The following KNDC1 variants were observed in gnomAD, a reference collection of about 807,000 sequenced individuals.
KNDC1 encodes kinase non-catalytic C-lobe domain containing 1, also known as kinase non-catalytic C-lobe domain-containing protein 1.
A neutral mutation model predicts 172.8 loss-of-function variants in KNDC1; 106 were observed. That is an observed-to-expected ratio of 0.61 (90% CI 0.52 to 0.72). KNDC1 has a LOEUF of 0.72. KNDC1 is among the 30% of genes least tolerant of loss of function. The pLI is 0.00. For synonymous variants in KNDC1, 1,083 were observed against 1,062.2 expected (o/e 1.02, Z -0.38); for missense variants, 2,325 against 2,394.5 (o/e 0.97, Z 0.61).
intron 26 of KNDC1, 56 bp downstream of exon 26, chr10:133,214,178 G>A (rs2136026121): frequency 6.3e-7 from 1 of 1,591,826 alleles, no homozygotes; most frequent in South Asian, 1.1e-5. Context: ...CCTACGCGGG[G>A]GTGGCAGCGC....
At chr10:133,187,884 C>T (rs1459413577) in intron 6 of KNDC1, among the ~76,000 whole-genome samples, 4 of 138,218 alleles carry the variant, frequency 2.9e-5, no homozygotes, top group South Asian at 5.9e-4. Flanking sequence ...CCCCAACCCC[C>T]GAGCCCGCCC....
At chr10:133,193,158 G>A (rs913983517) in intron 9 of KNDC1, among the ~76,000 whole-genome samples, 5 of 152,224 alleles carry the variant, frequency 3.3e-5, no homozygotes, top group Non-Finnish European at 7.3e-5. Context: ...TAGAGGAAGT[G>A]CATAGCATTT....
At chr10:133,208,083 C>A (rs1207841625) in intron 20 of KNDC1, among the ~76,000 whole-genome samples, 1 of 152,180 alleles carries the variant, frequency 6.6e-6, no homozygotes, top group East Asian at 1.9e-4. Flanking sequence ...CTTATGACAC[C>A]ACCTTGGAGC....
rs771255409 is a variant in KNDC1 at position 133,167,352 on chromosome 10, G to C, written c.103-29G>C. 48 of 1,539,004 alleles carry C rather than the reference G, an allele frequency of 3.1e-5. 2 individuals carry two copies. Among genetic ancestry groups the C allele is most frequent in the Admixed American group, 3.9e-5 (2 of 51,272 alleles). On this transcript the variant is annotated intron_variant, in intron 1 of 29. Coordinates refer to ENST00000304613, the MANE Select transcript of KNDC1 (RefSeq NM_152643.8). Reference sequence around the variant, plus strand: ...CCGGGGCCTGGCTGGGGGTCCTGCCGGGCTCACGGCCAGGGCCGGTCTTGG... The same window carrying C: ...CCGGGGCCTGGCTGGGGGTCCTGCCCGGCTCACGGCCAGGGCCGGTCTTGG...
chr10:133,212,690 C>A (rs749705178), intron 23 of KNDC1, 26 bp from the exon 24 acceptor site: 1 of 1,603,766 alleles, frequency 6.2e-7, no homozygotes. Context: ...GAGCTTAGGC[C>A]CCTCAGTGCC....
At chr10:133,178,571 G>C (rs1379376075) in intron 3 of KNDC1, among the ~76,000 whole-genome samples, 1 of 152,092 alleles carries the variant, frequency 6.6e-6, no homozygotes, top group Non-Finnish European at 1.5e-5. Flanking sequence ...ATGGACTGAG[G>C]GTTCCGGTCC....
intron 26 of KNDC1, among the ~76,000 whole-genome samples, chr10:133,214,949 C>A (rs1412424242): frequency 6.6e-6 from 1 of 152,242 alleles, no homozygotes; most frequent in Non-Finnish European, 1.5e-5. Flanking sequence ...AGTCCCCCAG[C>A]CCCAGGGGTC....
At chr10:133,220,197 C>G (rs12764132) in intron 29 of KNDC1, 85 bp downstream of exon 29, 14,009 of 843,598 alleles carry the variant, frequency 0.017, 477 homozygotes, top group South Asian at 0.036. Flanking sequence ...GCTCAGGCGG[C>G]CGCGCGCCCA....
chr10:133,169,995 T>C (rs975000867), intron 3 of KNDC1, among the ~76,000 whole-genome samples: 1 of 152,246 alleles, frequency 6.6e-6, no homozygotes, highest in Non-Finnish European at 1.5e-5. Flanking sequence ...TTTAACTTTC[T>C]GAAAAGACTT....
At position 133,195,747 on chromosome 10, in the gene KNDC1, A is replaced by G. The variant is rs911322471; in HGVS notation, c.1660A>G (p.Arg554Gly). 6.2e-7 allele frequency: 1 copy of G among 1,611,138 alleles called. No individual in the cohort carries two copies. Among genetic ancestry groups the G allele is most frequent in the Non-Finnish European group, 8.5e-7 (1 of 1,179,140 alleles). Reference protein sequence around the residue: ...PRNHKLALPRRLKTLLLDMAR... With the variant: ...PRNHKLALPRGLKTLLLDMAR... Reference sequence around the variant, plus strand: ...CAACCACAAGCTGGCCCTGCCACGCAGGCTCAAGACCCTCCTCCTGGACAT... The same window carrying G: ...CAACCACAAGCTGGCCCTGCCACGCGGGCTCAAGACCCTCCTCCTGGACAT... The change falls in exon 10 of 30, where the codon AGG (arginine) becomes GGG (glycine). Residue 554 changes from arginine to glycine, a missense_variant. Arg to Gly is a moderately radical substitution (Grantham distance 125). Coordinates refer to ENST00000304613, the MANE Select transcript of KNDC1 (RefSeq NM_152643.8).
chr10:133,182,452 T>C (rs1280202956), intron 3 of KNDC1, among the ~76,000 whole-genome samples: 1 of 144,928 alleles, frequency 6.9e-6, no homozygotes, highest in East Asian at 1.9e-4. Context: ...GGTCAGGTCC[T>C]GGCTCCACAC....
chr10:133,169,352 C>T (rs1490268950), intron 3 of KNDC1, among the ~76,000 whole-genome samples: 10 of 152,304 alleles, frequency 6.6e-5, no homozygotes, highest in South Asian at 4.1e-4. Context: ...CCCAGCTACT[C>T]GGGAGTCTGA....
At position 133,183,470 on chromosome 10, in the gene KNDC1, G is replaced by A. The variant is rs569932237; in HGVS notation, c.487G>A (p.Gly163Arg). ...LLSRMQAEDPGDRPDLESIIA... is the reference protein window; with the variant it reads ...LLSRMQAEDPRDRPDLESIIA... The stretch of plus-strand genomic sequence containing the variant: ...GAGCCGGATGCAGGCGGAGGACCCC[G>A]GGGACCGGCCGGACCTTGAGGTAAG... Residue 163 changes from glycine to arginine, a missense_variant, in exon 4 of 30, where the codon GGG becomes AGG. Transcript: ENST00000304613. 125 of 1,604,200 alleles carry A rather than the reference G, an allele frequency of 7.8e-5. No individual in the cohort carries two copies. The highest frequency in any genetic ancestry group is 9.5e-5 in the Non-Finnish European group (112 of 1,177,608).
In KNDC1 at chr10:133,212,760, G is replaced by A. The variant is rs558790382; in HGVS notation, c.4281G>A (p.Pro1427=). The A allele has an allele frequency of 2.7e-5, 43 of 1,613,696 alleles. No individual in the cohort carries two copies. Among genetic ancestry groups the A allele is most frequent in the East Asian group, 2.0e-4 (9 of 44,878 alleles). Residue 1427 remains proline, a synonymous_variant, in exon 24 of 30, where the codon CCG becomes CCA. Transcript: ENST00000304613. ...CCCGAGGCAACGGGCTGGTGCTGCC[G>A]CCACACAAGGAGCGCCCCTACACCA... is the stretch of plus-strand genomic sequence containing the variant. The part of the protein sequence containing the change: ...RLPRGNGLVL[P]PHKERPYTIA...
At chr10:133,210,114 G>C (rs1182361720) in intron 20 of KNDC1, among the ~76,000 whole-genome samples, 1 of 152,022 alleles carries the variant, frequency 6.6e-6, no homozygotes, top group African/African-American at 2.4e-5. Flanking sequence ...AGCAGGGCAC[G>C]GTGGCTCACG....
chr10:133,207,287 C>G lies in KNDC1; in HGVS notation c.3730C>G (p.Arg1244Gly). The G allele has an allele frequency of 6.2e-7, 1 of 1,612,986 alleles. No homozygotes were observed. The highest frequency in any genetic ancestry group is 1.3e-5 in the African/African-American group (1 of 75,042). The change falls in exon 20 of 30, where the codon CGG (arginine) becomes GGG (glycine). Residue 1244 changes from arginine to glycine, a missense_variant. Coordinates refer to ENST00000304613, the MANE Select transcript of KNDC1 (RefSeq NM_152643.8). ...FYNVNKHPGG[R>G]QKARILQAGT... ...CAACGTCAACAAGCACCCGGGCGGC[C>G]GGCAGAAGGCCCGCATCCTGCAGGC...
chr10:133,208,151 C>G (rs574071830), intron 20 of KNDC1, among the ~76,000 whole-genome samples: 114 of 152,292 alleles, frequency 7.5e-4, no homozygotes, highest in African/African-American at 2.6e-3. Context: ...CCAAGGAGGA[C>G]AGCAGGGAGC....
intron 10 of KNDC1, 49 bp downstream of exon 10, chr10:133,195,870 G>A: frequency 7.0e-7 from 1 of 1,434,398 alleles, no homozygotes; most frequent in Admixed American, 2.5e-5. Flanking sequence ...AGGACTGTGG[G>A]CAGTGGCCGC....
At position 133,195,366 on chromosome 10, in the gene KNDC1, C is replaced by G. The variant is rs1854160000; in HGVS notation, c.1576-297C>G. Among the ~76,000 whole-genome samples the G allele has an allele frequency of 1.3e-5, 2 of 152,186 alleles. 1 individual carries two copies. The highest frequency in any genetic ancestry group is 4.1e-4 in the South Asian group (2 of 4,834). Reference sequence around the variant, plus strand: ...TTCTCCTCAAACCCTCGAGCTGCTGCCTTCGTGAGGAGAGTGGAAGGTGGG... The same window carrying G: ...TTCTCCTCAAACCCTCGAGCTGCTGGCTTCGTGAGGAGAGTGGAAGGTGGG... On this transcript the variant is annotated intron_variant, in intron 9 of 29. Coordinates refer to ENST00000304613, the MANE Select transcript of KNDC1 (RefSeq NM_152643.8).
Sources: gnomAD v4.1 joint callset for allele counts (sites outside exome capture counted in the v4.1 genomes callset) on GRCh38, gnomAD v4.1.1 for gene constraint, MANE v1.5 for transcripts, NCBI Gene and HGNC (gene_info 2026-07-23, HGNC 2026-07-21) for gene names.